STOX2: variants seen among roughly 807,000 people sequenced by gnomAD.
STOX2 encodes the protein storkhead box 2.
A neutral mutation model predicts 60.9 loss-of-function variants in STOX2; 28 were observed. The ratio of observed to expected loss-of-function variants is 0.46; its 90% CI spans 0.34 to 0.63. The LOEUF (loss-of-function observed/expected upper bound fraction) is 0.63. Among genes scored for constraint, STOX2 ranks in the 30% least tolerant of loss-of-function variants. STOX2 has a pLI of 0.01. For missense variants in STOX2, 1,024 were observed against 1,187.7 expected, an observed-to-expected ratio of 0.86 and a Z score of 2.03; for synonymous variants, 472 against 463.9, an observed-to-expected ratio of 1.02 and a Z score of -0.22.
chr4:183,828,291 A>G (rs1259706662), intron 1 of STOX2, among the ~76,000 whole-genome samples: 1 of 152,230 alleles, frequency 6.6e-6, no homozygotes, highest in East Asian at 1.9e-4. Context: ...CTGAAGTCAT[A>G]AGTTTGGGTG....
rs138868075 is a variant in STOX2, at chr4:183,811,292, G to A, written c.364+13237G>A. On this transcript the variant is annotated intron_variant, in intron 1 of 2. Transcript: ENST00000513034. ...TTGTTTCCAGTTTATATTGTGTTAA[G>A]TCTATGTTAGATCCAGAATTCAAAA... Among the ~76,000 whole-genome samples the A allele has an allele frequency of 3.8e-3, 586 of 152,318 alleles. 2 individuals carry two copies. The highest frequency in any genetic ancestry group is 7.1e-3 in the Non-Finnish European group (481 of 68,020).
At chr4:183,964,722 A>G (rs1743511485) in intron 1 of STOX2, among the ~76,000 whole-genome samples, 1 of 152,170 alleles carries the variant, frequency 6.6e-6, no homozygotes, top group South Asian at 2.1e-4. Flanking sequence ...AGCTGGGATT[A>G]CAGGTGCATG....
intron 1 of STOX2, among the ~76,000 whole-genome samples, chr4:183,846,048 T>G (rs1739982700): frequency 6.6e-6 from 1 of 152,256 alleles, no homozygotes; most frequent in Non-Finnish European, 1.5e-5. Flanking sequence ...TAATTTCTTC[T>G]TCAATTTTGA....
chr4:183,996,139 A>C (rs1733334799), intron 1 of STOX2, among the ~76,000 whole-genome samples: 1 of 152,244 alleles, frequency 6.6e-6, no homozygotes, highest in South Asian at 2.1e-4. Flanking sequence ...TCCTCTGTCC[A>C]AGGCACTGAG....
At chr4:183,946,660 C>T (rs942633394) in intron 1 of STOX2, among the ~76,000 whole-genome samples, 66 of 142,218 alleles carry the variant, frequency 4.6e-4, no homozygotes, top group African/African-American at 1.7e-3. Flanking sequence ...GAGTCTCGCT[C>T]TGTCGCACAG....
In STOX2 at chr4:183,859,800, A is replaced by AT. The variant is rs998257560; in HGVS notation, c.364+61754dup. Among the ~76,000 whole-genome samples the AT allele has an allele frequency of 2.6e-4, 39 of 151,934 alleles. No homozygotes were observed. In the South Asian group the frequency reaches 3.8e-3, roughly 15 times the overall value. On this transcript the variant is annotated intron_variant, in intron 1 of 2. Coordinates refer to the STOX2 transcript ENST00000513034. ...CAAATGATCTTACCGAACTGAATGG[A>AT]TTTTTTTTTCCTATTATACCAAAGA...
intron 1 of STOX2, among the ~76,000 whole-genome samples, chr4:183,939,059 T>C (rs1742676692): frequency 1.3e-5 from 2 of 152,248 alleles, no homozygotes; most frequent in South Asian, 2.1e-4. Context: ...GATTTTGGAC[T>C]TGTAAAAGCT....
chr4:183,912,994 T>C (rs972667363), intron 1 of STOX2, among the ~76,000 whole-genome samples: 8 of 152,200 alleles, frequency 5.3e-5, no homozygotes, highest in Non-Finnish European at 8.8e-5. Context: ...AATAATAGGA[T>C]ACAATCAAGA....
intron 1 of STOX2, among the ~76,000 whole-genome samples, chr4:183,970,228 CT>C (rs1405643063): frequency 1.4e-5 from 2 of 146,226 alleles, no homozygotes; most frequent in Admixed American, 1.4e-4. Flanking sequence ...TAGAAATCAG[CT>C]TTTGTTTGCT....
At chr4:183,885,214 T>C (rs1247884840) in intron 1 of STOX2, among the ~76,000 whole-genome samples, 1 of 151,744 alleles carries the variant, frequency 6.6e-6, no homozygotes, top group Non-Finnish European at 1.5e-5. Flanking sequence ...GAGAAGCTCC[T>C]TTTTTTCTTC....
At chr4:183,832,822 C>A (rs1739606408) in intron 1 of STOX2, among the ~76,000 whole-genome samples, 1 of 149,758 alleles carries the variant, frequency 6.7e-6, no homozygotes, top group Non-Finnish European at 1.5e-5. Context: ...TGTCGTTAGG[C>A]TCTTCCTCTG....
chr4:183,948,870 C>T (rs1047619749), intron 1 of STOX2, among the ~76,000 whole-genome samples: 2 of 152,060 alleles, frequency 1.3e-5, no homozygotes, highest in Admixed American at 6.6e-5. Flanking sequence ...ACCTCACTTA[C>T]CAGGTTGCTA....
At chr4:183,974,417 T>G (rs1732374884) in intron 1 of STOX2, among the ~76,000 whole-genome samples, 1 of 152,064 alleles carries the variant, frequency 6.6e-6, no homozygotes, top group Non-Finnish European at 1.5e-5. Context: ...ACATACAAAT[T>G]AAATGACAGA....
chr4:183,827,359 T>G (rs1370989594), intron 1 of STOX2, among the ~76,000 whole-genome samples: 2 of 152,016 alleles, frequency 1.3e-5, no homozygotes, highest in Non-Finnish European at 2.9e-5. Context: ...TAGCTACGTG[T>G]GGTGACACGC....
intron 1 of STOX2, among the ~76,000 whole-genome samples, chr4:183,879,044 A>T (rs1326895672): frequency 6.6e-6 from 1 of 152,040 alleles, no homozygotes; most frequent in African/African-American, 2.4e-5. Context: ...GATCAATTTC[A>T]TGTGCCCACA....
At chr4:183,801,717 G>A (rs763055653) in intron 1 of STOX2, among the ~76,000 whole-genome samples, 4 of 152,204 alleles carry the variant, frequency 2.6e-5, no homozygotes, top group Non-Finnish European at 5.9e-5. Context: ...GGGTTGGAGA[G>A]TTCCTGATGT....
rs1579562016 is a variant in STOX2, at chr4:184,017,525, T to C, written c.*241T>C. ...GTAGGGGTGATATGTATACTTTTGC[T>C]TCACTAATTGTATCTGAGCACACAT... On this transcript the variant is annotated 3_prime_UTR_variant, in exon 4 of 4. Transcript: ENST00000308497. The C allele has an allele frequency of 2.6e-6, 1 of 385,858 alleles. No individual in the cohort carries two copies. Among genetic ancestry groups the C allele is most frequent in the East Asian group, 4.7e-5 (1 of 21,326 alleles). 23.9% of individuals were successfully genotyped at this position (385,858 alleles called of 1,614,324 possible).
chr4:183,899,287 C>A (rs1741411827), intron 1 of STOX2, among the ~76,000 whole-genome samples: 1 of 152,106 alleles, frequency 6.6e-6, no homozygotes, highest in Non-Finnish European at 1.5e-5. Flanking sequence ...TCTGCATGTT[C>A]AAGTGAAAGA....
intron 1 of STOX2, among the ~76,000 whole-genome samples, chr4:183,957,578 G>T (rs1362042986): frequency 1.3e-5 from 2 of 152,068 alleles, no homozygotes; most frequent in East Asian, 3.9e-4. Context: ...TTATTCAGTG[G>T]GTTATAGTCT....
Sources: gnomAD v4.1 joint callset for allele counts (sites outside exome capture counted in the v4.1 genomes callset) on GRCh38, gnomAD v4.1.1 for gene constraint, MANE v1.5 for transcripts, NCBI Gene and HGNC (gene_info 2026-07-23, HGNC 2026-07-21) for gene names.